The following TRAPPC8 variants were observed in gnomAD, a reference collection of about 807,000 sequenced individuals.
TRAPPC8 encodes the protein general sporulation gene 1 homolog.
Under a neutral mutation model 174.3 loss-of-function variants are expected in TRAPPC8, and 54 were observed. The observed-to-expected ratio is 0.31, with a 90% CI of 0.25 to 0.39. The LOEUF is 0.39. TRAPPC8 is among the 10% of genes least tolerant of loss of function. The pLI is 1.00. For synonymous variants in TRAPPC8, 630 were observed against 579.9 expected, an observed-to-expected ratio of 1.09 and a Z score of -1.24; for missense variants, 1,531 against 1,699.1, an observed-to-expected ratio of 0.90 and a Z score of 1.74.
At chr18:31,873,751 G>C (rs1242164030) in intron 13 of TRAPPC8, 1 of 418,690 alleles carries the variant, frequency 2.4e-6, no homozygotes. Flanking sequence ...TCTTACTGAG[G>C]TTACTCAGCT....
intron 12 of TRAPPC8, among the ~76,000 whole-genome samples, chr18:31,878,722 C>T (rs185714337): frequency 2.0e-5 from 3 of 152,106 alleles, no homozygotes; most frequent in African/African-American, 4.8e-5. Context: ...ATGCTATCTA[C>T]AAGAGACCTA....
At position 31,855,594 on chromosome 18, in the gene TRAPPC8, C is replaced by T. The variant is rs1435027491; in HGVS notation, c.3336+66G>A. On this transcript the variant is annotated intron_variant, in intron 21 of 28. Transcript: ENST00000283351. ...GTCTTGTAAAGGAAAACAAAAACCA[C>T]TACTAAACACAAGGGAAACACTTCA... 4 of 1,434,878 alleles carry T rather than the reference C, an allele frequency of 2.8e-6. No individual in the cohort carries two copies. In the South Asian group the frequency reaches 4.1e-5, roughly 15 times the overall value. 88.9% of individuals were successfully genotyped at this position (1,434,878 alleles called of 1,614,324 possible). A position where few individuals can be genotyped will look rare whatever the true frequency, so the allele number is the denominator to read the frequency against.
intron 7 of TRAPPC8, 114 bp downstream of exon 7, chr18:31,908,640 A>G: frequency 8.6e-7 from 1 of 1,165,178 alleles, no homozygotes; most frequent in Non-Finnish European, 1.2e-6. Context: ...GGAAGTCTTA[A>G]TATTGGCCTA....
chr18:31,864,049 ATATT>A (rs1299178357), intron 19 of TRAPPC8, among the ~76,000 whole-genome samples: 5 of 147,958 alleles, frequency 3.4e-5, no homozygotes, highest in African/African-American at 4.9e-5. Flanking sequence ...TATAAAATAT[ATATT>A]TATATTATGT....
intron 2 of TRAPPC8, among the ~76,000 whole-genome samples, chr18:31,918,202 CAAG>C (rs1415331410): frequency 1.3e-4 from 19 of 151,916 alleles, no homozygotes; most frequent in Non-Finnish European, 1.8e-4. Flanking sequence ...TATATTCACA[CAAG>C]AATATATTCA....
chr18:31,863,423 TTGTC>T (rs2034431222), intron 19 of TRAPPC8, among the ~76,000 whole-genome samples: 2 of 152,148 alleles, frequency 1.3e-5, no homozygotes, highest in Non-Finnish European at 2.9e-5. Flanking sequence ...TACTGCAGAA[TTGTC>T]TGTATTGATG....
At chr18:31,906,599 A>G (rs1422090139) in intron 9 of TRAPPC8, among the ~76,000 whole-genome samples, 1 of 152,224 alleles carries the variant, frequency 6.6e-6, no homozygotes, top group African/African-American at 2.4e-5. Context: ...AGATTAAATA[A>G]AAAGTAACAG....
chr18:31,867,069 T>C (rs1598632079), intron 17 of TRAPPC8, 94 bp from the exon 18 acceptor site: 10 of 1,313,702 alleles, frequency 7.6e-6, no homozygotes, highest in South Asian at 1.5e-5. Flanking sequence ...CATAAACTCA[T>C]GACCTAAACT....
intron 19 of TRAPPC8, among the ~76,000 whole-genome samples, chr18:31,862,967 G>A (rs2034405557): frequency 6.7e-6 from 1 of 150,220 alleles, no homozygotes; most frequent in African/African-American, 2.5e-5. Flanking sequence ...CAGGAGAATT[G>A]CTTGAACCTG....
chr18:31,885,830 A>G lies in TRAPPC8; in HGVS notation c.1728+4905T>C, dbSNP rs2035682082. Among the ~76,000 whole-genome samples, 3 of 151,898 alleles carry G rather than the reference A, an allele frequency of 2.0e-5. No individual in the cohort carries two copies. The South Asian group carries it at 6.2e-4, about 32-fold the overall frequency. The stretch of plus-strand genomic sequence containing the variant: ...AGCCGAGATCGCGCCATTGCACTCC[A>G]GCCTGGGCAACAAGAGCAAAACTCC... On this transcript the variant is annotated intron_variant, in intron 12 of 28. Transcript: ENST00000283351.
In TRAPPC8 at chr18:31,908,925, A is replaced by G; in HGVS notation, c.951T>C (p.His317=). The G allele has an allele frequency of 6.2e-7, 1 of 1,613,760 alleles. No individual in the cohort carries two copies. Among genetic ancestry groups the G allele is most frequent in the Non-Finnish European group, 8.5e-7 (1 of 1,179,782 alleles). ...CATGTAACGATGAAGCAGATCTTAG[A>G]TGATCTGGGCCATCAATACTGTTAG... ...DPSNSIDGPD[H]LRSASSLHET... Residue 317 remains histidine, a synonymous_variant, in exon 7 of 29, where the codon CAT becomes CAC. Transcript: ENST00000283351.
At chr18:31,839,766 T>C (rs2032985245) in intron 26 of TRAPPC8, among the ~76,000 whole-genome samples, 2 of 152,318 alleles carry the variant, frequency 1.3e-5, no homozygotes, top group South Asian at 4.1e-4. Context: ...AATTTCTTCA[T>C]ATGTAAAAAG....
chr18:31,877,293 CT>C (rs2035203848), intron 12 of TRAPPC8, among the ~76,000 whole-genome samples: 1 of 152,122 alleles, frequency 6.6e-6, no homozygotes, highest in South Asian at 2.1e-4. Flanking sequence ...ACTTTTCATG[CT>C]TTTTGTGGTG....
intron 5 of TRAPPC8, among the ~76,000 whole-genome samples, chr18:31,911,710 T>C (rs1002377674): frequency 1.5e-5 from 2 of 130,012 alleles, no homozygotes; most frequent in African/African-American, 3.0e-5. Flanking sequence ...TGAGCCGAGA[T>C]CATGCCACTG....
intron 10 of TRAPPC8, among the ~76,000 whole-genome samples, chr18:31,899,451 T>C (rs897977006): frequency 6.6e-6 from 1 of 152,234 alleles, no homozygotes; most frequent in Non-Finnish European, 1.5e-5. Flanking sequence ...ACCATTACGA[T>C]GACTACTTTT....
Position 31,931,527 on chromosome 18 carries a change from TAAAGAAAA to T in TRAPPC8, c.158-12_158-5del. The T allele has an allele frequency of 2.6e-6, 4 of 1,533,444 alleles. No homozygotes were observed. The highest frequency in any genetic ancestry group is 3.5e-6 in the Non-Finnish European group (4 of 1,141,342). The allele number at this position is 1,533,444 out of a possible 1,614,324, so 95.0% of individuals were successfully genotyped here. A position where few individuals can be genotyped will look rare whatever the true frequency, so the allele number is the denominator to read the frequency against. On this transcript the variant is annotated splice_polypyrimidine_tract_variant and splice_region_variant and intron_variant, in intron 1 of 28. Coordinates refer to ENST00000283351, the MANE Select transcript of TRAPPC8 (RefSeq NM_014939.5). ...TTATTAGGATCTCTCATGTGAACTTTAAAGAAAAAAAGAAAAAAACTTGAAATTAATTC... is the reference window on the plus strand; with the variant it reads ...TTATTAGGATCTCTCATGTGAACTTTAAAGAAAAAAACTTGAAATTAATTC...
intron 20 of TRAPPC8, 151 bp from the exon 21 acceptor site, chr18:31,855,958 G>T: frequency 1.1e-6 from 1 of 880,808 alleles, no homozygotes; most frequent in Non-Finnish European, 1.6e-6. Flanking sequence ...AAATTACATA[G>T]TTAGCCTAAC....
At chr18:31,921,403 G>A (rs572211410) in intron 2 of TRAPPC8, among the ~76,000 whole-genome samples, 1 of 151,974 alleles carries the variant, frequency 6.6e-6, no homozygotes, top group South Asian at 2.1e-4. Context: ...TACCTGAGGT[G>A]GGGAGTTCCA....
intron 12 of TRAPPC8, among the ~76,000 whole-genome samples, chr18:31,887,197 G>A (rs141890751): frequency 6.6e-6 from 1 of 152,026 alleles, no homozygotes; most frequent in Non-Finnish European, 1.5e-5. Flanking sequence ...TTCAACATAT[G>A]CAAATCAATA....
Sources: gnomAD v4.1 joint callset for allele counts (sites outside exome capture counted in the v4.1 genomes callset) on GRCh38, gnomAD v4.1.1 for gene constraint, MANE v1.5 for transcripts, NCBI Gene and HGNC (gene_info 2026-07-23, HGNC 2026-07-21) for gene names.